The following PGM5 variants were observed in gnomAD, a reference collection of about 807,000 sequenced individuals.
The protein encoded by PGM5 is phosphoglucomutase 5.
Under a neutral mutation model 59.2 loss-of-function variants are expected in PGM5, and 23 were observed. The ratio of observed to expected loss-of-function variants is 0.39; its 90% CI spans 0.28 to 0.55. The LOEUF is 0.55. Ranked by LOEUF, PGM5 falls within the 20% of genes least tolerant of loss-of-function variation. PGM5 has a pLI of 0.66. For missense variants in PGM5, 574 were observed against 748.3 expected (o/e 0.77, Z 2.72); for synonymous variants, 214 against 286.0 (o/e 0.75, Z 2.54).
chr9:68,446,302 AT>A (rs1260131103), intron 6 of PGM5, among the ~76,000 whole-genome samples: 1 of 152,276 alleles, frequency 6.6e-6, no homozygotes, highest in Non-Finnish European at 1.5e-5. Flanking sequence ...TGAAATAACT[AT>A]GCATATTATA....
intron 6 of PGM5, among the ~76,000 whole-genome samples, chr9:68,432,042 T>C (rs552503341): frequency 5.9e-5 from 9 of 152,250 alleles, no homozygotes; most frequent in Admixed American, 2.6e-4. Flanking sequence ...TTTATAATTC[T>C]TGTGGGGTTC....
chr9:68,520,833 T>C (rs1824891082), intron 10 of PGM5, among the ~76,000 whole-genome samples: 1 of 152,200 alleles, frequency 6.6e-6, no homozygotes, highest in Admixed American at 6.5e-5. Flanking sequence ...CATTTAGAAC[T>C]CAAATAGGCT....
chr9:68,489,469 C>CTTTT, intron 9 of PGM5, among the ~76,000 whole-genome samples: 1 of 135,546 alleles, frequency 7.4e-6, no homozygotes, highest in South Asian at 2.4e-4. Flanking sequence ...TTTTTCTTTT[C>CTTTT]TTTTTTTTTT....
intron 6 of PGM5, among the ~76,000 whole-genome samples, chr9:68,401,528 A>G (rs1309391061): frequency 3.3e-5 from 5 of 151,918 alleles, no homozygotes; most frequent in Admixed American, 2.0e-4. Context: ...TGGTGGATGG[A>G]TCCAATACTG....
At chr9:68,498,305 T>G (rs1824514711) in intron 9 of PGM5, 1 of 152,142 alleles carries the variant, frequency 6.6e-6, no homozygotes, top group African/African-American at 2.4e-5. Flanking sequence ...CAGTCACCCC[T>G]GGCCCACCAG....
intron 6 of PGM5, among the ~76,000 whole-genome samples, chr9:68,408,175 G>A (rs1439678415): frequency 3.3e-5 from 5 of 152,140 alleles, no homozygotes; most frequent in Non-Finnish European, 5.9e-5. Flanking sequence ...AAATGTGAGC[G>A]TGAAGAAATG....
At chr9:68,516,189 C>T (rs1050955283) in intron 10 of PGM5, among the ~76,000 whole-genome samples, 2 of 152,128 alleles carry the variant, frequency 1.3e-5, no homozygotes, top group African/African-American at 4.8e-5. Flanking sequence ...TATTATGTGC[C>T]ATCAAAAAAT....
chr9:68,448,722 C>A (rs1199111331), intron 6 of PGM5, among the ~76,000 whole-genome samples: 1 of 152,170 alleles, frequency 6.6e-6, no homozygotes, highest in Non-Finnish European at 1.5e-5. Context: ...CTGTTCATTG[C>A]CAGACCCTGA....
chr9:68,508,671 G>A (rs893996847), intron 10 of PGM5, among the ~76,000 whole-genome samples: 13 of 152,308 alleles, frequency 8.5e-5, no homozygotes, highest in African/African-American at 3.1e-4. Flanking sequence ...ATTTGCAGCG[G>A]TCACACAAGT....
chr9:68,380,608 AT>A (rs1822043483), intron 2 of PGM5, among the ~76,000 whole-genome samples: 1 of 151,890 alleles, frequency 6.6e-6, no homozygotes, highest in Admixed American at 6.6e-5. Context: ...ACAGAAGCAA[AT>A]AAAATGTAGT....
intron 6 of PGM5, among the ~76,000 whole-genome samples, chr9:68,403,789 G>A (rs1340174589): frequency 6.6e-6 from 1 of 152,160 alleles, no homozygotes; most frequent in Non-Finnish European, 1.5e-5. Context: ...GGTAGGGGTG[G>A]GGGTAGGGAG....
At chr9:68,448,262 C>A (rs1823644910) in intron 6 of PGM5, among the ~76,000 whole-genome samples, 2 of 152,156 alleles carry the variant, frequency 1.3e-5, no homozygotes, top group South Asian at 2.1e-4. Context: ...AAGGTATGAA[C>A]CCTCTGTTCT....
intron 6 of PGM5, chr9:68,429,359 T>A (rs919420389): frequency 2.6e-5 from 4 of 152,110 alleles, no homozygotes; most frequent in African/African-American, 9.7e-5. Flanking sequence ...TACAATCAAA[T>A]GTTAAAAAAA....
At chr9:68,390,769 A>G (rs1421884354) in intron 4 of PGM5, among the ~76,000 whole-genome samples, 1 of 152,196 alleles carries the variant, frequency 6.6e-6, no homozygotes, top group Non-Finnish European at 1.5e-5. Flanking sequence ...ACTTTATATT[A>G]TTCCGTCAAG....
chr9:68,437,595 ACACACT>A lies in PGM5; in HGVS notation c.1044-27496_1044-27491del, dbSNP rs369231852. 5.5e-4 allele frequency among the ~76,000 whole-genome samples: 82 copies of A among 149,810 alleles called. 1 individual carries two copies. The highest frequency in any genetic ancestry group is 2.0e-3 in the African/African-American group (78 of 39,350). On this transcript the variant is annotated intron_variant, in intron 6 of 10. Coordinates refer to ENST00000396396, the MANE Select transcript of PGM5 (RefSeq NM_021965.4). This position sits in a 1 kb window ranked among gnomAD's most constrained non-coding sequence, Gnocchi z 4.1. ...CACACACTCACACACACACACACACACACACTCTCACACATTTTACCCACACATGCA... is the reference window on the plus strand; with the variant it reads ...CACACACTCACACACACACACACACACTCACACATTTTACCCACACATGCA...
chr9:68,470,318 C>T (rs922145443), intron 7 of PGM5, among the ~76,000 whole-genome samples: 5 of 152,078 alleles, frequency 3.3e-5, no homozygotes, highest in African/African-American at 1.2e-4. Flanking sequence ...TCATTTTGTG[C>T]TCTGTTGTCT....
At chr9:68,521,540 G>C (rs984715601) in intron 10 of PGM5, among the ~76,000 whole-genome samples, 4 of 152,184 alleles carry the variant, frequency 2.6e-5, no homozygotes, top group Admixed American at 6.5e-5. Flanking sequence ...AGGCAGAGGA[G>C]ATCCTAATTT....
At chr9:68,387,888 A>G (rs1213386767) in intron 4 of PGM5, among the ~76,000 whole-genome samples, 5 of 152,016 alleles carry the variant, frequency 3.3e-5, no homozygotes, top group Non-Finnish European at 7.4e-5. Context: ...TAAATAGTTC[A>G]AGATTTATTG....
intron 10 of PGM5, among the ~76,000 whole-genome samples, chr9:68,508,549 G>A (rs1460112373): frequency 1.3e-5 from 2 of 152,122 alleles, no homozygotes; most frequent in Non-Finnish European, 2.9e-5. Context: ...GTTTTACCAT[G>A]TCTAAAGCAC....
Sources: gnomAD v4.1 joint callset for allele counts (sites outside exome capture counted in the v4.1 genomes callset) on GRCh38, gnomAD v4.1.1 for gene constraint, Gnocchi (gnomAD v3.1) non-coding constraint, MANE v1.5 for transcripts, NCBI Gene and HGNC (gene_info 2026-07-23, HGNC 2026-07-21) for gene names.